The following SIK3 variants were observed in gnomAD, a reference collection of about 807,000 sequenced individuals.
SIK3 encodes serine/threonine-protein kinase SIK3.
SIK3 carries 28 observed loss-of-function variants against 144.2 expected under a neutral mutation model. The ratio of observed to expected loss-of-function variants is 0.19; its 90% CI spans 0.14 to 0.27. SIK3 has a LOEUF of 0.27. Ranked by LOEUF, SIK3 falls within the 10% of genes least tolerant of loss-of-function variation. The probability of loss-of-function intolerance (pLI) is 1.00; values close to 1 mark genes in which losing one functional copy is unlikely to be tolerated. For missense variants in SIK3, 1,319 were observed against 1,776.0 expected (o/e 0.74, Z 4.62); for synonymous variants, 686 against 676.3 (o/e 1.01, Z -0.22).
At chr11:116,851,018 T>G (rs1039221103) in intron 21 of SIK3, among the ~76,000 whole-genome samples, 1 of 152,166 alleles carries the variant, frequency 6.6e-6, no homozygotes, top group African/African-American at 2.4e-5. Context: ...CAAAAAAGAA[T>G]AATAAAAATA....
At chr11:117,037,665 G>C (rs1298211747) in intron 1 of SIK3, among the ~76,000 whole-genome samples, 1 of 152,162 alleles carries the variant, frequency 6.6e-6, no homozygotes, top group Non-Finnish European at 1.5e-5. Flanking sequence ...ATGTGAATCT[G>C]ACAGCTTTTA....
chr11:116,879,042 T>C (rs928012991), intron 6 of SIK3, among the ~76,000 whole-genome samples: 2 of 152,246 alleles, frequency 1.3e-5, no homozygotes, highest in Admixed American at 1.3e-4. Context: ...TGTCTTTCTT[T>C]CTGTTGTACC....
At chr11:116,977,471 A>C (rs887994047) in intron 1 of SIK3, among the ~76,000 whole-genome samples, 1 of 152,040 alleles carries the variant, frequency 6.6e-6, no homozygotes, top group South Asian at 2.1e-4. Context: ...CTTTTTAGTT[A>C]AAAAAAGACG....
Position 116,914,206 on chromosome 11 carries a change from A to AT in SIK3, c.616+13012dup, listed in dbSNP as rs34155083. Among the ~76,000 whole-genome samples, 847 of 133,976 alleles carry AT rather than the reference A, an allele frequency of 6.3e-3. 12 individuals carry two copies. Among genetic ancestry groups the AT allele is most frequent in the South Asian group, 0.025 (103 of 4,152 alleles). 87.9% of individuals were successfully genotyped at this position (133,976 alleles called of 152,430 possible). On this transcript the variant is annotated intron_variant, in intron 4 of 24. Coordinates refer to ENST00000445177, the MANE Select transcript of SIK3 (RefSeq NM_001366686.3). ...TGGGAATAAAGTACTCCCCTTCTCA[A>AT]TTTTTTTTTTTTTTTTTTTTGAGAT...
At chr11:117,035,525 A>G (rs745370865) in intron 1 of SIK3, among the ~76,000 whole-genome samples, 10 of 152,130 alleles carry the variant, frequency 6.6e-5, no homozygotes, top group Non-Finnish European at 1.3e-4. Context: ...TTTTAACTCA[A>G]TGTCTGTCAG....
At chr11:116,971,948 C>T (rs1051852104) in intron 1 of SIK3, among the ~76,000 whole-genome samples, 4 of 152,000 alleles carry the variant, frequency 2.6e-5, no homozygotes, top group East Asian at 1.9e-4. Flanking sequence ...ATTACCTGGG[C>T]GTGGTGGCAC....
intron 1 of SIK3, among the ~76,000 whole-genome samples, chr11:117,093,673 A>T: frequency 7.2e-6 from 1 of 138,420 alleles, no homozygotes; most frequent in African/African-American, 2.6e-5. Flanking sequence ...TTGCTATTTA[A>T]AAAAAAAAAA....
At chr11:117,060,597 C>CAAAA (rs367663538) in intron 1 of SIK3, among the ~76,000 whole-genome samples, 2 of 96,896 alleles carry the variant, frequency 2.1e-5, no homozygotes, top group African/African-American at 3.7e-5. Flanking sequence ...AACTCCATCT[C>CAAAA]AAAAAAAAAA....
rs373729396 is a variant in SIK3, at chr11:116,962,141, G to A, written c.274-5077C>T. ...TATTTGTAAGCAAGATACGGCAACA[G>A]AGTAAAAGACAATGAACTAAGGGAC... On this transcript the variant is annotated intron_variant, in intron 1 of 24. Coordinates refer to ENST00000445177, the MANE Select transcript of SIK3 (RefSeq NM_001366686.3). Among the ~76,000 whole-genome samples the A allele has an allele frequency of 5.9e-5, 9 of 152,294 alleles. No individual in the cohort carries two copies. The South Asian group carries it at 1.7e-3, about 28-fold the overall frequency.
At position 116,895,353 on chromosome 11, in the gene SIK3, G is replaced by A. The variant is rs552054871; in HGVS notation, c.865+900C>T. ...CCTTTCTCCATGAAGGGGTTTTCAT[G>A]TAACTTACCAACCACTATCCTAACT... On this transcript the variant is annotated intron_variant, in intron 6 of 24. Coordinates refer to ENST00000445177, the MANE Select transcript of SIK3 (RefSeq NM_001366686.3). 4.6e-5 allele frequency among the ~76,000 whole-genome samples: 7 copies of A among 152,276 alleles called. No individual in the cohort carries two copies. In the South Asian group the frequency reaches 6.2e-4, roughly 14 times the overall value.
chr11:117,023,202 GACATGCTGAACTGT>G lies in SIK3; in HGVS notation c.274-66152_274-66139del, dbSNP rs546470751. On this transcript the variant is annotated intron_variant, in intron 1 of 24. Coordinates refer to ENST00000445177, the MANE Select transcript of SIK3 (RefSeq NM_001366686.3). ...CCGATACCTCAAAATATGGCACTTT[GACATGCTGAACTGT>G]ACAATCCTCAAGGCCTCTCTGACCA... Among the ~76,000 whole-genome samples, 313 of 152,182 alleles carry G rather than the reference GACATGCTGAACTGT, an allele frequency of 2.1e-3. 3 individuals carry two copies. The highest frequency in any genetic ancestry group is 7.0e-3 in the African/African-American group (292 of 41,516).
At chr11:116,883,339 A>T (rs1944644705) in intron 6 of SIK3, among the ~76,000 whole-genome samples, 1 of 152,200 alleles carries the variant, frequency 6.6e-6, no homozygotes, top group Admixed American at 6.5e-5. Context: ...TAATGTCCTG[A>T]TCTTGTTATA....
rs892369931 is a variant in SIK3 at position 116,849,638 on chromosome 11, G to C, written c.3656-355C>G. Among the ~76,000 whole-genome samples the C allele has an allele frequency of 6.6e-6, 1 of 152,128 alleles. No homozygotes were observed. Among genetic ancestry groups the C allele is most frequent in the African/African-American group, 2.4e-5 (1 of 41,428 alleles). ...GAGCTTTCAGGACCCTCTAGCCCTAGAGGATGCATCTGTTCTGTGGCTGGC... is the reference window on the plus strand; with the variant it reads ...GAGCTTTCAGGACCCTCTAGCCCTACAGGATGCATCTGTTCTGTGGCTGGC... On this transcript the variant is annotated intron_variant, in intron 21 of 24. Transcript: ENST00000445177. The surrounding 1 kb of genome is among the most constrained non-coding windows in gnomAD (Gnocchi z 4.2).
intron 1 of SIK3, among the ~76,000 whole-genome samples, chr11:116,972,197 C>G (rs1242914692): frequency 1.3e-5 from 2 of 152,086 alleles, no homozygotes; most frequent in Non-Finnish European, 2.9e-5. Context: ...TCTGAGACAC[C>G]TACCAATGAA....
chr11:116,964,906 T>TA (rs1458197419), intron 1 of SIK3, among the ~76,000 whole-genome samples: 3 of 151,910 alleles, frequency 2.0e-5, no homozygotes, highest in Admixed American at 1.3e-4. Flanking sequence ...ATAATAATAA[T>TA]AAAATACAAT....
chr11:116,859,706 C>G (rs1013193135), intron 19 of SIK3, 102 bp from the exon 20 acceptor site: 40 of 971,790 alleles, frequency 4.1e-5, no homozygotes, highest in Non-Finnish European at 5.7e-5. Flanking sequence ...CCAGCTAGAA[C>G]AGTGCTTCTC....
At chr11:116,869,686 G>A (rs1332789690) in intron 14 of SIK3, 2 of 155,506 alleles carry the variant, frequency 1.3e-5, no homozygotes, top group Admixed American at 6.3e-5. Context: ...TGGAGCTAAG[G>A]ACCAGGGCTA....
intron 1 of SIK3, among the ~76,000 whole-genome samples, chr11:116,988,318 G>A (rs1591486780): frequency 6.6e-6 from 1 of 151,856 alleles, no homozygotes; most frequent in South Asian, 2.1e-4. Flanking sequence ...CCCGGGAGGC[G>A]GAGCTTGCAG....
At chr11:116,964,541 C>A (rs543671044) in intron 1 of SIK3, among the ~76,000 whole-genome samples, 48 of 152,248 alleles carry the variant, frequency 3.2e-4, no homozygotes, top group African/African-American at 1.2e-3. Context: ...AAGGGTCAGG[C>A]AGCTTTCAAT....
Sources: gnomAD v4.1 joint callset for allele counts (sites outside exome capture counted in the v4.1 genomes callset) on GRCh38, gnomAD v4.1.1 for gene constraint, Gnocchi (gnomAD v3.1) non-coding constraint, MANE v1.5 for transcripts, NCBI Gene and HGNC (gene_info 2026-07-23, HGNC 2026-07-21) for gene names.